Variants in DACH2 observed in about 807,000 individuals in gnomAD.
The protein encoded by DACH2 is dachshund homolog 2.
Under a neutral mutation model 35.8 loss-of-function variants are expected in DACH2, and 17 were observed. The ratio of observed to expected loss-of-function variants is 0.48; its 90% confidence interval spans 0.33 to 0.71. DACH2 has a LOEUF of 0.71. Ranked by LOEUF, DACH2 falls within the 30% of genes least tolerant of loss-of-function variation. The pLI is 0.02. For synonymous variants in DACH2, 195 were observed against 177.3 expected, an observed-to-expected ratio of 1.10 and a Z score of -0.79; for missense variants, 469 against 472.7, an observed-to-expected ratio of 0.99 and a Z score of 0.07.
chrX:86,270,162 C>G (rs195043), intron 1 of DACH2, among the ~76,000 whole-genome samples: 6,401 of 107,253 alleles, frequency 0.06, 483 homozygotes, highest in African/African-American at 0.2. Context: ...ATCCACATTT[C>G]CAAATGGATG....
chrX:86,686,868 G>A (rs1432692038), intron 4 of DACH2, among the ~76,000 whole-genome samples: 2 of 112,002 alleles, frequency 1.8e-5, no homozygotes, highest in African/African-American at 6.5e-5. Context: ...ACTCAATAAT[G>A]TGATGTTTAA....
intron 1 of DACH2, among the ~76,000 whole-genome samples, chrX:86,176,936 ATTAAG>A (rs1238907145): frequency 9.0e-6 from 1 of 111,645 alleles, no homozygotes; most frequent in Non-Finnish European, 1.9e-5. Flanking sequence ...GGAAGAGTAA[ATTAAG>A]TTCTCACTCT....
At chrX:86,501,916 A>G (rs2038254838) in intron 2 of DACH2, among the ~76,000 whole-genome samples, 1 of 111,286 alleles carries the variant, frequency 9.0e-6, no homozygotes, top group African/African-American at 3.3e-5. Context: ...TCTTATTTCT[A>G]CCTCCAAAAC....
rs757882696 is a variant in DACH2 at position 86,802,701 on chromosome X, G to A, written c.1241-10155G>A. 7.2e-5 allele frequency among the ~76,000 whole-genome samples: 8 copies of A among 110,789 alleles called. No individual in the cohort carries two copies. In the East Asian group the frequency reaches 8.6e-4, roughly 12 times the overall value. On this transcript the variant is annotated intron_variant, in intron 7 of 11. Coordinates refer to ENST00000373125, the MANE Select transcript of DACH2 (RefSeq NM_053281.3). Reference sequence around the variant, plus strand: ...ATGGGCAACATGGCTGACTTGACACGTCAGGTTGAAAGCTGCCACTGAGGG... The same window carrying A: ...ATGGGCAACATGGCTGACTTGACACATCAGGTTGAAAGCTGCCACTGAGGG...
At chrX:86,379,146 T>A (rs12558885) in intron 2 of DACH2, among the ~76,000 whole-genome samples, 191 of 111,462 alleles carry the variant, frequency 1.7e-3, no homozygotes, top group Middle Eastern at 4.7e-3. Flanking sequence ...TTATTTTAAA[T>A]TGGCTTGCCT....
intron 1 of DACH2, among the ~76,000 whole-genome samples, chrX:86,190,162 TAA>T (rs776524615): frequency 1.4e-4 from 14 of 98,562 alleles, no homozygotes; most frequent in Admixed American, 4.4e-4. Context: ...AGACTCCATC[TAA>T]AAAAAAAAAA....
Position 86,261,057 on chromosome X carries a change from A to G in DACH2, c.488+111949A>G, listed in dbSNP as rs186680526. ...TAAGTAGACAGAGTTGATTACTTCAATTGCCTGCATTGCCTTTTGTCAGTG... is the reference window on the plus strand; with the variant it reads ...TAAGTAGACAGAGTTGATTACTTCAGTTGCCTGCATTGCCTTTTGTCAGTG... On this transcript the variant is annotated intron_variant, in intron 1 of 11. Coordinates refer to ENST00000373125, the MANE Select transcript of DACH2 (RefSeq NM_053281.3). 1.7e-3 allele frequency among the ~76,000 whole-genome samples: 192 copies of G among 112,114 alleles called. 1 individual carries two copies. Among genetic ancestry groups the G allele is most frequent in the African/African-American group, 6.0e-3 (185 of 30,935 alleles).
intron 1 of DACH2, among the ~76,000 whole-genome samples, chrX:86,361,893 T>G (rs772861316): frequency 9.0e-6 from 1 of 111,270 alleles, no homozygotes; most frequent in South Asian, 3.7e-4. Context: ...CCTTTATAAA[T>G]AATATATTGG....
chrX:86,478,081 A>G (rs2037876374), intron 2 of DACH2, among the ~76,000 whole-genome samples: 1 of 111,232 alleles, frequency 9.0e-6, no homozygotes, highest in African/African-American at 3.3e-5. Context: ...AAGTTTTTGT[A>G]GTTGTTATTT....
intron 3 of DACH2, among the ~76,000 whole-genome samples, chrX:86,610,580 G>A (rs1431905098): frequency 5.5e-5 from 6 of 108,687 alleles, no homozygotes; most frequent in African/African-American, 2.0e-4. Flanking sequence ...GGGACTACAG[G>A]TTGTGCCACC....
At chrX:86,227,393 C>T (rs1426637230) in intron 1 of DACH2, among the ~76,000 whole-genome samples, 1 of 111,464 alleles carries the variant, frequency 9.0e-6, no homozygotes, top group Non-Finnish European at 1.9e-5. Context: ...TTATTTATCT[C>T]ACCACCAAAT....
At chrX:86,301,081 A>G (rs183086286) in intron 1 of DACH2, among the ~76,000 whole-genome samples, 30 of 112,035 alleles carry the variant, frequency 2.7e-4, no homozygotes, top group Non-Finnish European at 2.1e-4. Context: ...CCCTTCAAAT[A>G]CTGAAGTAAC....
intron 1 of DACH2, among the ~76,000 whole-genome samples, chrX:86,183,396 T>C (rs1188996069): frequency 8.9e-6 from 1 of 112,244 alleles, no homozygotes; most frequent in African/African-American, 3.2e-5. Flanking sequence ...GTGTGTTGAA[T>C]TTTATCAAAG....
intron 1 of DACH2, among the ~76,000 whole-genome samples, chrX:86,293,809 G>T (rs1207265163): frequency 9.0e-6 from 1 of 110,792 alleles, no homozygotes; most frequent in East Asian, 2.8e-4. Flanking sequence ...AGTCTGATGG[G>T]CTTCCCTTTG....
intron 1 of DACH2, among the ~76,000 whole-genome samples, chrX:86,365,517 T>G (rs913381583): frequency 2.7e-5 from 3 of 111,495 alleles, no homozygotes; most frequent in African/African-American, 9.7e-5. Flanking sequence ...TATAAAAAAT[T>G]CAAACTTTGT....
intron 2 of DACH2, among the ~76,000 whole-genome samples, chrX:86,482,404 G>T: frequency 8.9e-6 from 1 of 112,051 alleles, no homozygotes. Context: ...GGAAGTGGTG[G>T]TGTATTTTAG....
intron 3 of DACH2, among the ~76,000 whole-genome samples, chrX:86,562,106 T>A (rs764768553): frequency 7.3e-4 from 80 of 110,315 alleles, no homozygotes; most frequent in Middle Eastern, 4.7e-3. Flanking sequence ...TTATTCATTT[T>A]TTGATATTTG....
At chrX:86,680,954 G>A (rs747623134) in intron 4 of DACH2, among the ~76,000 whole-genome samples, 39 of 110,600 alleles carry the variant, frequency 3.5e-4, no homozygotes, top group South Asian at 2.3e-3. Context: ...AGCTGCCCTC[G>A]AACATTTCTA....
intron 2 of DACH2, among the ~76,000 whole-genome samples, chrX:86,392,391 C>A (rs1007205846): frequency 9.0e-6 from 1 of 111,251 alleles, no homozygotes; most frequent in Admixed American, 9.6e-5. Flanking sequence ...TCCCAAAGTA[C>A]TAAATAAAGA....
Sources: allele counts gnomAD v4.1 joint callset (sites outside exome capture counted in the v4.1 genomes callset), GRCh38; gene constraint gnomAD v4.1.1; transcripts MANE v1.5; gene names NCBI Gene and HGNC (gene_info 2026-07-23, HGNC 2026-07-21).